IMPA2: variants seen among roughly 807,000 people sequenced by gnomAD.
The protein encoded by IMPA2 is inositol monophosphatase 2, also known as IMP 2.
A neutral mutation model predicts 35.1 loss-of-function variants in IMPA2; 32 were observed. The observed-to-expected ratio is 0.91, with a 90% CI of 0.69 to 1.23. The LOEUF is 1.23. Ranked by LOEUF, IMPA2 falls within the 50% of genes most tolerant of loss-of-function variation. The pLI is 0.00. For synonymous variants in IMPA2, 135 were observed against 160.6 expected (o/e 0.84, Z 1.20); for missense variants, 334 against 387.6 (o/e 0.86, Z 1.16).
At chr18:12,014,965 C>T (rs560726811) in intron 5 of IMPA2, among the ~76,000 whole-genome samples, 17 of 152,204 alleles carry the variant, frequency 1.1e-4, no homozygotes, top group African/African-American at 3.9e-4. Flanking sequence ...AACCGCCTGT[C>T]CTGAATGGGC....
intron 2 of IMPA2, 122 bp from the exon 3 acceptor site, chr18:12,009,761 G>A (rs1280797901): frequency 2.7e-6 from 2 of 748,914 alleles, no homozygotes; most frequent in African/African-American, 3.5e-5. Context: ...GTTTGACCCA[G>A]AGAAACCATG....
intron 2 of IMPA2, chr18:12,008,392 C>G (rs17593321): frequency 1.9e-6 from 1 of 518,578 alleles, no homozygotes; most frequent in South Asian, 1.4e-5. Flanking sequence ...GAAAACCTCT[C>G]GGCAAGGCCA....
Position 11,981,511 on chromosome 18 carries a change from C to T in IMPA2, c.-159C>T, listed in dbSNP as rs571366081. ...CGGCTCCCGCGGCCCGCTGGCTGCC[C>T]TTCCCGCCAGCGCAGGTGTGGGACG... On this transcript the variant is annotated 5_prime_UTR_variant, in exon 1 of 8. Coordinates refer to ENST00000269159, the MANE Select transcript of IMPA2 (RefSeq NM_014214.3). The T allele has an allele frequency of 4.5e-6, 2 of 444,610 alleles. No individual in the cohort carries two copies. The highest frequency in any genetic ancestry group is 4.5e-5 in the Admixed American group (1 of 22,396). 27.5% of individuals were successfully genotyped at this position (444,610 alleles called of 1,614,324 possible).
chr18:11,990,950 A>G (rs1247157445), intron 1 of IMPA2, among the ~76,000 whole-genome samples: 1 of 152,238 alleles, frequency 6.6e-6, no homozygotes, highest in African/African-American at 2.4e-5. Flanking sequence ...ATAAATGTAC[A>G]TGTGAACTGC....
At chr18:12,022,542 T>TATATATATATAA in intron 5 of IMPA2, among the ~76,000 whole-genome samples, 1 of 142,638 alleles carries the variant, frequency 7.0e-6, no homozygotes, top group East Asian at 2.0e-4. Flanking sequence ...TATATATATA[T>TATATATATATAA]ATATATATAT....
At chr18:12,000,047 G>T (rs1294512334) in intron 2 of IMPA2, among the ~76,000 whole-genome samples, 1 of 152,176 alleles carries the variant, frequency 6.6e-6, no homozygotes, top group Non-Finnish European at 1.5e-5. Flanking sequence ...TGGATTTCTG[G>T]CTGTAGGGTA....
chr18:11,982,793 CA>C (rs11354219), intron 1 of IMPA2, among the ~76,000 whole-genome samples: 31,215 of 111,542 alleles, frequency 0.28, 4,704 homozygotes, highest in African/African-American at 0.49. Flanking sequence ...AACTCCGTCT[CA>C]AAAAAAAAAA....
chr18:11,996,525 T>C (rs989117703), intron 1 of IMPA2, among the ~76,000 whole-genome samples: 1 of 152,068 alleles, frequency 6.6e-6, no homozygotes, highest in African/African-American at 2.4e-5. Flanking sequence ...TCTCAGATGG[T>C]GGTCCTGGGT....
At chr18:12,001,631 A>G (rs1212921545) in intron 2 of IMPA2, among the ~76,000 whole-genome samples, 1 of 152,188 alleles carries the variant, frequency 6.6e-6, no homozygotes, top group African/African-American at 2.4e-5. Context: ...TTAATGTATT[A>G]TGGGGTGAGC....
At chr18:12,011,297 T>C (rs1345262014) in intron 3 of IMPA2, among the ~76,000 whole-genome samples, 2 of 152,330 alleles carry the variant, frequency 1.3e-5, no homozygotes, top group East Asian at 3.9e-4. Flanking sequence ...GTGGTGATTG[T>C]TGTGGTCTGA....
chr18:11,989,572 C>T (rs1906756869), intron 1 of IMPA2, among the ~76,000 whole-genome samples: 1 of 152,190 alleles, frequency 6.6e-6, no homozygotes, highest in Non-Finnish European at 1.5e-5. Flanking sequence ...GCTCCTGACC[C>T]TATCTGAGAG....
intron 1 of IMPA2, among the ~76,000 whole-genome samples, chr18:11,990,382 G>A (rs655790): frequency 0.41 from 61,453 of 151,668 alleles, 14,301 homozygotes; most frequent in African/African-American, 0.62. Context: ...CAGCTAGGAA[G>A]GTTAGGTGAT....
chr18:12,010,098 A>G lies in IMPA2; in HGVS notation c.335+111A>G, dbSNP rs1051844145. On this transcript the variant is annotated intron_variant, in intron 3 of 7. Transcript: ENST00000269159. This position sits in a 1 kb window ranked among gnomAD's most constrained non-coding sequence, Gnocchi z 4.8. ...AAGGCAGGAATATATAAACAAACCTATAGTACACTCATAGTCTCATCAGAA... is the reference window on the plus strand; with the variant it reads ...AAGGCAGGAATATATAAACAAACCTGTAGTACACTCATAGTCTCATCAGAA... 8 of 711,422 alleles carry G rather than the reference A, an allele frequency of 1.1e-5. No homozygotes were observed. The highest frequency in any genetic ancestry group is 9.1e-5 in the Admixed American group (4 of 43,960). 44.1% of individuals were successfully genotyped at this position (711,422 alleles called of 1,614,324 possible). A position where few individuals can be genotyped will look rare whatever the true frequency, so the allele number is the denominator to read the frequency against.
intron 1 of IMPA2, among the ~76,000 whole-genome samples, chr18:11,992,168 C>T (rs902624858): frequency 3.3e-5 from 5 of 152,212 alleles, no homozygotes; most frequent in Admixed American, 6.5e-5. Flanking sequence ...CAAGTATCTG[C>T]GCTCCACGTA....
intron 4 of IMPA2, among the ~76,000 whole-genome samples, chr18:12,013,640 C>T (rs537751913): frequency 3.9e-4 from 60 of 152,322 alleles, no homozygotes; most frequent in South Asian, 3.1e-3. Flanking sequence ...GGCACGCGGC[C>T]GTGGGCTGCC....
At chr18:12,020,824 A>G (rs1374368618) in intron 5 of IMPA2, among the ~76,000 whole-genome samples, 10 of 150,936 alleles carry the variant, frequency 6.6e-5, no homozygotes, top group Non-Finnish European at 1.3e-4. Flanking sequence ...TTTTTTCCTG[A>G]TATTCTTTAT....
intron 7 of IMPA2, 88 bp from the exon 8 acceptor site, chr18:12,030,250 CCTGTG>C: frequency 1.1e-6 from 1 of 897,390 alleles, no homozygotes. Context: ...TGTGCCATTT[CCTGTG>C]CTGTGTGCAT....
chr18:12,014,470 C>A, intron 5 of IMPA2, 97 bp downstream of exon 5: 1 of 676,776 alleles, frequency 1.5e-6, no homozygotes, highest in Non-Finnish European at 2.4e-6. Flanking sequence ...GTGGAGGTCC[C>A]TTGCTGATGG....
chr18:12,029,224 C>T (rs1907976788), intron 7 of IMPA2, among the ~76,000 whole-genome samples: 1 of 147,484 alleles, frequency 6.8e-6, no homozygotes, highest in Non-Finnish European at 1.5e-5. Flanking sequence ...AAGCAATTCT[C>T]CTGCCTCAGC....
Sources: allele counts gnomAD v4.1 joint callset (sites outside exome capture counted in the v4.1 genomes callset), GRCh38; gene constraint gnomAD v4.1.1; non-coding constraint Gnocchi (gnomAD v3.1); transcripts MANE v1.5; gene names NCBI Gene and HGNC (gene_info 2026-07-23, HGNC 2026-07-21).